The following IMP4 variants were observed in gnomAD, a reference collection of about 807,000 sequenced individuals.
The protein encoded by IMP4 is IMP U3 small nucleolar ribonucleoprotein 4, also known as U3 small nucleolar ribonucleoprotein IMP4.
Under a neutral mutation model 42.7 loss-of-function variants are expected in IMP4, and 30 were observed. That is an observed-to-expected ratio of 0.70 (90% CI 0.53 to 0.95). IMP4 has a LOEUF of 0.95. Among genes scored for constraint, IMP4 ranks in the 40% least tolerant of loss-of-function variants. The pLI, the probability that IMP4 is intolerant of heterozygous loss-of-function variation, is 0.00. For synonymous variants in IMP4, 165 were observed against 165.2 expected (o/e 1.00, Z 0.01); for missense variants, 382 against 411.4 (o/e 0.93, Z 0.62).
At position 130,342,948 on chromosome 2, in the gene IMP4, G is replaced by A. The variant is rs776356082; in HGVS notation, c.3+13G>A. On this transcript the variant is annotated intron_variant, in intron 1 of 8. Coordinates refer to ENST00000259239, the MANE Select transcript of IMP4 (RefSeq NM_033416.3). ...GGCACTCAAGATGGTAGGAGAATGA[G>A]CTCCTGTTTCGGAGGTCCGGGGCGC... 1.9e-6 allele frequency: 3 copies of A among 1,614,078 alleles called. No individual in the cohort carries two copies. In the African/African-American group the frequency reaches 4.0e-5, roughly 22 times the overall value.
rs1470977298 is a variant in IMP4, at chr2:130,343,180, G to A, written c.98G>A (p.Arg33Gln). ...RSAQERKERLRRALEENRLIP... is the reference protein window; with the variant it reads ...RSAQERKERLQRALEENRLIP... The stretch of plus-strand genomic sequence containing the variant: ...GCCCAGGAGAGGAAGGAGCGGCTGC[G>A]GCGCGCGCTGGAAGGTAAGGCATCG... Residue 33 changes from arginine to glutamine, a missense_variant, in exon 2 of 9, where the codon CGG (arginine) becomes CAG (glutamine). By Grantham distance (43) the Arg-to-Gln change is conservative. Coordinates refer to ENST00000259239, the MANE Select transcript of IMP4 (RefSeq NM_033416.3). The A allele has an allele frequency of 1.3e-6, 2 of 1,548,288 alleles. 1 individual carries two copies. The highest frequency in any genetic ancestry group is 2.4e-5 in the South Asian group (2 of 84,290).
chr2:130,346,346 C>T lies in IMP4; in HGVS notation c.764-10C>T, dbSNP rs1679570342. The T allele has an allele frequency of 6.3e-7, 1 of 1,598,158 alleles. No homozygotes were observed. Among genetic ancestry groups the T allele is most frequent in the African/African-American group, 1.3e-5 (1 of 74,548 alleles). On this transcript the variant is annotated splice_polypyrimidine_tract_variant and intron_variant, in intron 8 of 8. Transcript: ENST00000259239. The stretch of plus-strand genomic sequence containing the variant: ...GGCTGTGCCGGGGCTGATGCCATCC[C>T]TGCCTGCAGTGTACATGATCCGTCT...
Position 130,347,047 on chromosome 2 carries a change from T to A in IMP4, c.*579T>A, listed in dbSNP as rs1463978587. 1 of 156,314 alleles carries A rather than the reference T, an allele frequency of 6.4e-6. No individual in the cohort carries two copies. The highest frequency in any genetic ancestry group is 6.1e-5 in the Admixed American group (1 of 16,288). The allele number at this position is 156,314 out of a possible 1,614,324, so 9.7% of individuals were successfully genotyped here. A position where few individuals can be genotyped will look rare whatever the true frequency, so the allele number is the denominator to read the frequency against. On this transcript the variant is annotated 3_prime_UTR_variant, in exon 9 of 9. Transcript: ENST00000259239. The stretch of plus-strand genomic sequence containing the variant: ...ATAGGATTTCTTTCCTTGTAAAAAA[T>A]AACATGCCACATTTTCTTACCAATC...
In IMP4 at chr2:130,343,080, C is replaced by T. The variant is rs1367171336; in HGVS notation, c.4-6C>T. ...TAGTGAGTGACTGGGCCTGCTGTTC[C>T]CACAGCTGCGCCGCGAGGCCCGCCT... On this transcript the variant is annotated splice_region_variant and splice_polypyrimidine_tract_variant and intron_variant, in intron 1 of 8. Transcript: ENST00000259239. 6.3e-7 allele frequency: 1 copy of T among 1,575,928 alleles called. No individual in the cohort carries two copies. Among genetic ancestry groups the T allele is most frequent in the African/African-American group, 1.4e-5 (1 of 74,052 alleles).
At position 130,346,725 on chromosome 2, in the gene IMP4, G is replaced by A. The variant is rs1679606416; in HGVS notation, c.*257G>A. ...GCTGTGGGACGTGCTTGGGCCTGGA[G>A]TCAGTGTGGGGGTTAACAGAGAGAG... On this transcript the variant is annotated 3_prime_UTR_variant, in exon 9 of 9. Coordinates refer to ENST00000259239, the MANE Select transcript of IMP4 (RefSeq NM_033416.3). 1 of 560,708 alleles carries A rather than the reference G, an allele frequency of 1.8e-6. No individual in the cohort carries two copies. Among genetic ancestry groups the A allele is most frequent in the South Asian group, 2.0e-5 (1 of 50,110 alleles). The allele number at this position is 560,708 out of a possible 1,614,324, so 34.7% of individuals were successfully genotyped here.
Position 130,346,873 on chromosome 2 carries a change from C to A in IMP4, c.*405C>A, listed in dbSNP as rs149153568. On this transcript the variant is annotated 3_prime_UTR_variant, in exon 9 of 9. Coordinates refer to ENST00000259239, the MANE Select transcript of IMP4 (RefSeq NM_033416.3). ...CCAAGTTAACTCACTGAGTGGAAGCCGCCAGTGTGCCAACGCGGAGGGGAC... is the reference window on the plus strand; with the variant it reads ...CCAAGTTAACTCACTGAGTGGAAGCAGCCAGTGTGCCAACGCGGAGGGGAC... The A allele has an allele frequency of 3.8e-6, 1 of 263,502 alleles. No individual in the cohort carries two copies. Among genetic ancestry groups the A allele is most frequent in the African/African-American group, 2.2e-5 (1 of 45,930 alleles). 16.3% of individuals were successfully genotyped at this position (263,502 alleles called of 1,614,324 possible). A position where few individuals can be genotyped will look rare whatever the true frequency, so the allele number is the denominator to read the frequency against.
At position 130,342,923 on chromosome 2, in the gene IMP4, G is replaced by A. The variant is rs11542416; in HGVS notation, c.-10G>A. 290,378 of 1,613,010 alleles carry A rather than the reference G, an allele frequency of 0.18. 29,204 individuals are homozygous for A. Among genetic ancestry groups the A allele is most frequent in the Non-Finnish European group, 0.21 (246,238 of 1,179,018 alleles). ...GATTCTCCCGGACCCACGTGGAAGC[G>A]GCACTCAAGATGGTAGGAGAATGAG... is the stretch of plus-strand genomic sequence containing the variant. On this transcript the variant is annotated 5_prime_UTR_variant, in exon 1 of 9. Transcript: ENST00000259239.
In IMP4 at chr2:130,345,305, G is replaced by A; in HGVS notation, c.197-71G>A. ...TTCGGCAGACAGCGACATCCAGGCG[G>A]TCTTGGCTGCCCCGAAGTTAGCATT... On this transcript the variant is annotated intron_variant, in intron 3 of 8. Transcript: ENST00000259239. The surrounding 1 kb of genome is among the most constrained non-coding windows in gnomAD (Gnocchi z 4.9). 1 of 1,214,642 alleles carries A rather than the reference G, an allele frequency of 8.2e-7. No individual in the cohort carries two copies. Among genetic ancestry groups the A allele is most frequent in the Non-Finnish European group, 1.2e-6 (1 of 834,702 alleles). 75.2% of individuals were successfully genotyped at this position (1,214,642 alleles called of 1,614,324 possible).
chr2:130,343,448 T>C (rs557379910), intron 2 of IMP4: 12 of 671,810 alleles, frequency 1.8e-5, no homozygotes, highest in South Asian at 1.5e-4. Context: ...GACTTTATCT[T>C]GTCCTGTAGA....
In IMP4 at chr2:130,346,536, C is replaced by T. The variant is rs1679591214; in HGVS notation, c.*68C>T. Reference sequence around the variant, plus strand: ...ATGGGGCTGTCATAGACAGACCCACCAGTAGGAACTGTCACAGAATGGCCT... The same window carrying T: ...ATGGGGCTGTCATAGACAGACCCACTAGTAGGAACTGTCACAGAATGGCCT... On this transcript the variant is annotated 3_prime_UTR_variant, in exon 9 of 9. Coordinates refer to ENST00000259239, the MANE Select transcript of IMP4 (RefSeq NM_033416.3). 2.0e-5 allele frequency: 22 copies of T among 1,077,138 alleles called. No homozygotes were observed. Among genetic ancestry groups the T allele is most frequent in the East Asian group, 2.6e-5 (1 of 38,772 alleles). The allele number at this position is 1,077,138 out of a possible 1,614,324, so 66.7% of individuals were successfully genotyped here. A position where few individuals can be genotyped will look rare whatever the true frequency, so the allele number is the denominator to read the frequency against.
chr2:130,344,719 A>T lies in IMP4; in HGVS notation c.196+7A>T. On this transcript the variant is annotated splice_region_variant and intron_variant, in intron 3 of 8. Transcript: ENST00000259239. ...GATGATGCTGGAGGTGAAGGTAACTATACAAGGTAGCCCTCCCCAACACTG... is the reference window on the plus strand; with the variant it reads ...GATGATGCTGGAGGTGAAGGTAACTTTACAAGGTAGCCCTCCCCAACACTG... The T allele has an allele frequency of 6.2e-7, 1 of 1,600,722 alleles. No individual in the cohort carries two copies. Among genetic ancestry groups the T allele is most frequent in the Non-Finnish European group, 8.6e-7 (1 of 1,167,864 alleles).
Position 130,345,336 on chromosome 2 carries a change from C to G in IMP4, c.197-40C>G. The G allele has an allele frequency of 6.5e-7, 1 of 1,527,704 alleles. No homozygotes were observed. The highest frequency in any genetic ancestry group is 9.0e-7 in the Non-Finnish European group (1 of 1,106,166). The allele number at this position is 1,527,704 out of a possible 1,614,324, so 94.6% of individuals were successfully genotyped here. A position where few individuals can be genotyped will look rare whatever the true frequency, so the allele number is the denominator to read the frequency against. On this transcript the variant is annotated intron_variant, in intron 3 of 8. Coordinates refer to ENST00000259239, the MANE Select transcript of IMP4 (RefSeq NM_033416.3). The surrounding 1 kb of genome is among the most constrained non-coding windows in gnomAD (Gnocchi z 4.9). ...GCTGCCCCGAAGTTAGCATTTCATT[C>G]CCAAGACTGTCATGTTCTTGCCCCT...
At chr2:130,346,157 T>G (rs774121756) in intron 7 of IMP4, 44 bp from the exon 8 acceptor site, 1 of 1,612,452 alleles carries the variant, frequency 6.2e-7, no homozygotes, top group East Asian at 2.2e-5. Context: ...CCACCCTGTG[T>G]ACCTCGTGCT....
At position 130,345,330 on chromosome 2, in the gene IMP4, T is replaced by A; in HGVS notation, c.197-46T>A. On this transcript the variant is annotated intron_variant, in intron 3 of 8. Transcript: ENST00000259239. This position sits in a 1 kb window ranked among gnomAD's most constrained non-coding sequence, Gnocchi z 4.9. ...GTCTTGGCTGCCCCGAAGTTAGCAT[T>A]TCATTCCCAAGACTGTCATGTTCTT... 2 of 1,505,128 alleles carry A rather than the reference T, an allele frequency of 1.3e-6. No homozygotes were observed. Among genetic ancestry groups the A allele is most frequent in the South Asian group, 2.3e-5 (2 of 86,710 alleles). 93.2% of individuals were successfully genotyped at this position (1,505,128 alleles called of 1,614,324 possible).
At position 130,345,392 on chromosome 2, in the gene IMP4, G is replaced by A. The variant is rs1274644187; in HGVS notation, c.213G>A (p.Val71=). The change falls in exon 4 of 9, where the codon GTG becomes GTA. Residue 71 remains valine, a synonymous_variant. Coordinates refer to ENST00000259239, the MANE Select transcript of IMP4 (RefSeq NM_033416.3). The surrounding 1 kb of genome is among the most constrained non-coding windows in gnomAD (Gnocchi z 4.9). ...DAGGEGVTSH[V]DDEYRWAGVE... is the part of the protein sequence containing the mutation. ...TCCTGACAGGTGTGACCAGCCACGTGGATGATGAATACCGATGGGCAGGAG... is the reference window on the plus strand; with the variant it reads ...TCCTGACAGGTGTGACCAGCCACGTAGATGATGAATACCGATGGGCAGGAG... The A allele has an allele frequency of 1.9e-6, 3 of 1,613,816 alleles. No homozygotes were observed. In the African/African-American group the frequency reaches 4.0e-5, roughly 22 times the overall value.
chr2:130,343,699 A>G (rs1679251422), intron 2 of IMP4, among the ~76,000 whole-genome samples: 1 of 151,196 alleles, frequency 6.6e-6, no homozygotes, highest in South Asian at 2.1e-4. Context: ...AGATCCTGCC[A>G]CTGCACTCCA....
chr2:130,344,615 T>G lies in IMP4; in HGVS notation c.113-14T>G. On this transcript the variant is annotated splice_polypyrimidine_tract_variant and intron_variant, in intron 2 of 8. Transcript: ENST00000259239. The stretch of plus-strand genomic sequence containing the variant: ...GCTTGTGACTCACTCAGCCCCTCTC[T>G]CTTCCCTCTGCAGAAAACCGCCTGA... 5 of 1,601,700 alleles carry G rather than the reference T, an allele frequency of 3.1e-6. No homozygotes were observed. The highest frequency in any genetic ancestry group is 4.3e-6 in the Non-Finnish European group (5 of 1,168,652).
At chr2:130,344,030 T>C (rs1447103583) in intron 2 of IMP4, among the ~76,000 whole-genome samples, 1 of 152,152 alleles carries the variant, frequency 6.6e-6, no homozygotes, top group African/African-American at 2.4e-5. Context: ...ATATTTCTTT[T>C]CAAAAGTAAT....
In IMP4 at chr2:130,346,899, A is replaced by C; in HGVS notation, c.*431A>C. ...GCCAGTGTGCCAACGCGGAGGGGAC[A>C]GGCCACACCCAGTGCTCAGCAGCTG... On this transcript the variant is annotated 3_prime_UTR_variant, in exon 9 of 9. Transcript: ENST00000259239. 4.1e-6 allele frequency: 1 copy of C among 244,576 alleles called. No homozygotes were observed. The highest frequency in any genetic ancestry group is 8.2e-6 in the Non-Finnish European group (1 of 122,304). The allele number at this position is 244,576 out of a possible 1,614,324, so 15.2% of individuals were successfully genotyped here.
Sources: allele counts gnomAD v4.1 joint callset (sites outside exome capture counted in the v4.1 genomes callset), GRCh38; gene constraint gnomAD v4.1.1; non-coding constraint Gnocchi (gnomAD v3.1); transcripts MANE v1.5; gene names NCBI Gene and HGNC (gene_info 2026-07-23, HGNC 2026-07-21).